SFRP1: variants seen among roughly 807,000 people sequenced by gnomAD.
SFRP1 encodes the protein secreted frizzled related protein 1, also known as secreted frizzled-related protein 1.
A neutral mutation model predicts 25.9 loss-of-function variants in SFRP1; 9 were observed. The ratio of observed to expected loss-of-function variants is 0.35; its 90% CI spans 0.21 to 0.61. The LOEUF is 0.61. Among genes scored for constraint, SFRP1 ranks in the 20% least tolerant of loss-of-function variants. The pLI is 0.78. For missense variants in SFRP1, 346 were observed against 418.2 expected (o/e 0.83, Z 1.51); for synonymous variants, 178 against 174.0 (o/e 1.02, Z -0.18).
At chr8:41,304,292 C>T (rs1045909478) in intron 1 of SFRP1, among the ~76,000 whole-genome samples, 2 of 152,186 alleles carry the variant, frequency 1.3e-5, no homozygotes, top group African/African-American at 4.8e-5. Context: ...AGGGCAGAAG[C>T]CTCCTCCAAG....
At chr8:41,295,310 A>G (rs962091821) in intron 2 of SFRP1, among the ~76,000 whole-genome samples, 2 of 152,110 alleles carry the variant, frequency 1.3e-5, no homozygotes, top group Non-Finnish European at 2.9e-5. Flanking sequence ...GCAGTGAGCC[A>G]AGATCACGCA....
chr8:41,282,004 G>A (rs926804245), intron 2 of SFRP1, among the ~76,000 whole-genome samples: 1 of 152,170 alleles, frequency 6.6e-6, no homozygotes, highest in African/African-American at 2.4e-5. Context: ...GAGACAGCTG[G>A]AGACCTTCAG....
chr8:41,277,932 G>A (rs1803590355), intron 2 of SFRP1, among the ~76,000 whole-genome samples: 1 of 152,176 alleles, frequency 6.6e-6, no homozygotes, highest in Non-Finnish European at 1.5e-5. Flanking sequence ...TTTCTAACAA[G>A]TCCCCAAGTG....
intron 2 of SFRP1, among the ~76,000 whole-genome samples, chr8:41,283,295 C>T (rs1417902667): frequency 6.6e-6 from 1 of 152,158 alleles, no homozygotes; most frequent in Non-Finnish European, 1.5e-5. Flanking sequence ...GTGTGTGTCT[C>T]CCATACAATG....
At position 41,308,982 on chromosome 8, in the gene SFRP1, C is replaced by T; in HGVS notation, c.178G>A (p.Asp60Asn). The change falls in exon 1 of 3, where the codon GAC becomes AAC. Residue 60 changes from aspartate (D) to asparagine (N), a missense_variant. Coordinates refer to ENST00000220772, the MANE Select transcript of SFRP1 (RefSeq NM_003012.5). ...CACAGCCGCAGGTCCGCGGGGATGT[C>T]CACGCACTGAGGTGGCTTGGTGTAG... ...RFYTKPPQCV[D>N]IPADLRLCHN... 6.2e-7 allele frequency: 1 copy of T among 1,613,306 alleles called. No individual in the cohort carries two copies. The highest frequency in any genetic ancestry group is 8.5e-7 in the Non-Finnish European group (1 of 1,179,940).
At chr8:41,297,787 A>G (rs1161538412) in intron 2 of SFRP1, among the ~76,000 whole-genome samples, 1 of 152,018 alleles carries the variant, frequency 6.6e-6, no homozygotes, top group Non-Finnish European at 1.5e-5. Context: ...CGGCTTTCCC[A>G]CCAAGAAGGG....
chr8:41,278,616 C>T (rs1470933587), intron 2 of SFRP1, among the ~76,000 whole-genome samples: 3 of 152,186 alleles, frequency 2.0e-5, no homozygotes, highest in South Asian at 2.1e-4. Flanking sequence ...CTGCCCAAGC[C>T]GCTCCACCCC....
chr8:41,265,125 C>CAA lies in SFRP1; in HGVS notation c.*41_*42insTT. The stretch of plus-strand genomic sequence containing the variant: ...CCCGGGGCACTGTCCCCCCCGCTCC[C>CAA]ACCCCACCCGAGGCTCCCTCCCCAC... On this transcript the variant is annotated 3_prime_UTR_variant, in exon 3 of 3. Coordinates refer to ENST00000220772, the MANE Select transcript of SFRP1 (RefSeq NM_003012.5). 1 of 486,018 alleles carries CAA rather than the reference C, an allele frequency of 2.1e-6. No individual in the cohort carries two copies. The highest frequency in any genetic ancestry group is 3.9e-6 in the Non-Finnish European group (1 of 258,868). 30.1% of individuals were successfully genotyped at this position (486,018 alleles called of 1,614,324 possible). A position where few individuals can be genotyped will look rare whatever the true frequency, so the allele number is the denominator to read the frequency against.
At chr8:41,284,313 G>C (rs1803670935) in intron 2 of SFRP1, among the ~76,000 whole-genome samples, 1 of 151,514 alleles carries the variant, frequency 6.6e-6, no homozygotes, top group Non-Finnish European at 1.5e-5. Flanking sequence ...TCTTTCACTA[G>C]AGGCTGGGAC....
At chr8:41,283,444 T>C (rs538466450) in intron 2 of SFRP1, among the ~76,000 whole-genome samples, 9 of 152,210 alleles carry the variant, frequency 5.9e-5, no homozygotes, top group African/African-American at 2.2e-4. Flanking sequence ...GTTTCAGCCA[T>C]GCTCAAGATT....
intron 1 of SFRP1, chr8:41,306,640 C>T: frequency 1.3e-6 from 2 of 1,499,188 alleles, no homozygotes; most frequent in Non-Finnish European, 1.8e-6. Flanking sequence ...AGGGGAAAAC[C>T]AGTCCCAAGC....
chr8:41,290,592 G>A (rs1390013718), intron 2 of SFRP1, among the ~76,000 whole-genome samples: 1 of 152,198 alleles, frequency 6.6e-6, no homozygotes, highest in African/African-American at 2.4e-5. Flanking sequence ...GTGTCCCGGG[G>A]GCACTGACCG....
At chr8:41,307,052 G>T in intron 1 of SFRP1, 1 of 1,413,566 alleles carries the variant, frequency 7.1e-7, no homozygotes, top group Non-Finnish European at 9.2e-7. Context: ...GTCAGGGCTG[G>T]GCACAGCCTC....
intron 2 of SFRP1, among the ~76,000 whole-genome samples, chr8:41,296,791 T>C (rs1011818224): frequency 6.6e-6 from 1 of 152,114 alleles, no homozygotes; most frequent in African/African-American, 2.4e-5. Context: ...ACGCGTTAGG[T>C]AGAGTGTTTC....
At position 41,262,701 on chromosome 8, in the gene SFRP1, T is replaced by G. The variant is rs1412951364; in HGVS notation, c.*2466A>C. 1 of 152,178 alleles carries G rather than the reference T, an allele frequency of 6.6e-6. No individual in the cohort carries two copies. The highest frequency in any genetic ancestry group is 1.5e-5 in the Non-Finnish European group (1 of 68,042). The allele number at this position is 152,178 out of a possible 1,614,324, so 9.4% of individuals were successfully genotyped here. ...GGAAATCACAGGCAAACCTCCTCTCTCGGAGACCAATGACCAGGCCAATCA... is the reference window on the plus strand; with the variant it reads ...GGAAATCACAGGCAAACCTCCTCTCGCGGAGACCAATGACCAGGCCAATCA... On this transcript the variant is annotated 3_prime_UTR_variant, in exon 3 of 3. Coordinates refer to ENST00000220772, the MANE Select transcript of SFRP1 (RefSeq NM_003012.5).
At chr8:41,298,429 GAC>G (rs926517254) in intron 2 of SFRP1, among the ~76,000 whole-genome samples, 4 of 150,800 alleles carry the variant, frequency 2.7e-5, no homozygotes, top group African/African-American at 9.8e-5. Flanking sequence ...TTTTTTTTGA[GAC>G]AGTCTTGCTC....
At chr8:41,290,413 A>G (rs1450734031) in intron 2 of SFRP1, among the ~76,000 whole-genome samples, 1 of 152,160 alleles carries the variant, frequency 6.6e-6, no homozygotes, top group Non-Finnish European at 1.5e-5. Context: ...CTGGCTCCGG[A>G]GGCACTGCTC....
At position 41,308,764 on chromosome 8, in the gene SFRP1, GAGCC is replaced by G. The variant is rs1804031346; in HGVS notation, c.392_395del (p.Trp131SerfsTer38). The G allele has an allele frequency of 6.2e-7, 1 of 1,610,274 alleles. No homozygotes were observed. The highest frequency in any genetic ancestry group is 1.3e-5 in the African/African-American group (1 of 74,858). On this transcript the variant is annotated frameshift_variant, in exon 1 of 3. Transcript: ENST00000220772. LOFTEE classifies it high-confidence loss of function. ...CGCACGAGTCGCGCACGGCCTCGCA[GAGCC>G]AGCGACACGGGTAGATGGGCCGGTC... is the stretch of plus-strand genomic sequence containing the variant.
At chr8:41,296,733 G>C (rs1803848315) in intron 2 of SFRP1, among the ~76,000 whole-genome samples, 1 of 152,118 alleles carries the variant, frequency 6.6e-6, no homozygotes, top group Non-Finnish European at 1.5e-5. Flanking sequence ...ACAGCACAAA[G>C]GGGCTCTGAA....
Sources: gnomAD v4.1 joint callset for allele counts (sites outside exome capture counted in the v4.1 genomes callset) on GRCh38, gnomAD v4.1.1 for gene constraint, MANE v1.5 for transcripts, NCBI Gene and HGNC (gene_info 2026-07-23, HGNC 2026-07-21) for gene names.